The following SNTG1 variants were observed in gnomAD, a reference collection of about 807,000 sequenced individuals.
The protein encoded by SNTG1 is gamma-1-syntrophin.
In SNTG1, 39 loss-of-function variants were observed where a neutral mutation model predicts 74.7. That is an observed-to-expected ratio of 0.52 (90% CI 0.40 to 0.68). The LOEUF (loss-of-function observed/expected upper bound fraction) is 0.68. Ranked by LOEUF, SNTG1 falls within the 30% of genes least tolerant of loss-of-function variation. The probability of loss-of-function intolerance (pLI) is 0.00; values close to 1 mark genes in which losing one functional copy is unlikely to be tolerated. For synonymous variants in SNTG1, 254 were observed against 217.1 expected (o/e 1.17, Z -1.49); for missense variants, 685 against 609.5 (o/e 1.12, Z -1.30).
At position 50,026,532 on chromosome 8, in the gene SNTG1, CA is replaced by C. The variant is rs1817276443; in HGVS notation, c.-103+114302del. On this transcript the variant is annotated intron_variant, in intron 1 of 18. Transcript: ENST00000642720. Reference sequence around the variant, plus strand: ...TCCATACTCCTGTCCCTAAGACTACCACATCACAAATACAAAATGTTGCACG... The same window carrying C: ...TCCATACTCCTGTCCCTAAGACTACCCATCACAAATACAAAATGTTGCACG... Among the ~76,000 whole-genome samples, 5 of 152,178 alleles carry C rather than the reference CA, an allele frequency of 3.3e-5. No individual in the cohort carries two copies. The South Asian group carries it at 1.0e-3, about 32-fold the overall frequency.
chr8:50,406,949 T>C (rs938579332), intron 4 of SNTG1, among the ~76,000 whole-genome samples: 3 of 152,184 alleles, frequency 2.0e-5, no homozygotes. Context: ...AGTAGCACAC[T>C]GTACTTTCAG....
chr8:50,164,092 C>CTTTTT lies in SNTG1; in HGVS notation c.-102-8448_-102-8444dup, dbSNP rs3086088. On this transcript the variant is annotated intron_variant, in intron 1 of 18. Coordinates refer to ENST00000642720, the MANE Select transcript of SNTG1 (RefSeq NM_018967.5). ...AGACTTTGATAGAAAGACACAATTT[C>CTTTTT]TTTTTTTTTTTTTTTTTTTTTTTTT... is the stretch of plus-strand genomic sequence containing the variant. The CTTTTT allele has an allele frequency of 2.0e-3, 142 of 71,994 alleles. 6 individuals are homozygous for CTTTTT. Among genetic ancestry groups the CTTTTT allele is most frequent in the African/African-American group, 3.5e-3 (73 of 20,822 alleles). The allele number at this position is 71,994 out of a possible 1,614,324, so 4.5% of individuals were successfully genotyped here.
At chr8:50,211,162 A>T (rs1159834432) in intron 2 of SNTG1, among the ~76,000 whole-genome samples, 2 of 152,134 alleles carry the variant, frequency 1.3e-5, no homozygotes, top group African/African-American at 4.8e-5. Flanking sequence ...TGGATTTTTT[A>T]AAATTACAAA....
In SNTG1 at chr8:50,330,810, A is replaced by G. The variant is rs184100955; in HGVS notation, c.-27-63402A>G. On this transcript the variant is annotated intron_variant, in intron 2 of 18. Coordinates refer to ENST00000642720, the MANE Select transcript of SNTG1 (RefSeq NM_018967.5). ...CAGCATGTGGGGAGGAGGAACTGAC[A>G]AACACTTATAAAACCATTCGATCTT... Among the ~76,000 whole-genome samples the G allele has an allele frequency of 5.4e-3, 816 of 152,242 alleles. 2 individuals carry two copies. Among genetic ancestry groups the G allele is most frequent in the Non-Finnish European group, 8.5e-3 (579 of 68,010 alleles).
chr8:50,450,435 C>T (rs1427919107), intron 6 of SNTG1, 121 bp from the exon 7 acceptor site: 1 of 1,001,030 alleles, frequency 1.0e-6, no homozygotes, highest in Non-Finnish European at 1.5e-6. Context: ...TTTTAAGATG[C>T]TAACCATATA....
Position 50,792,972 on chromosome 8 carries a change from T to C in SNTG1, c.*143T>C. The C allele has an allele frequency of 1.2e-6, 1 of 826,674 alleles. No homozygotes were observed. The highest frequency in any genetic ancestry group is 3.1e-5 in the Admixed American group (1 of 31,938). The allele number at this position is 826,674 out of a possible 1,614,324, so 51.2% of individuals were successfully genotyped here. On this transcript the variant is annotated 3_prime_UTR_variant, in exon 19 of 19. Transcript: ENST00000642720. ...ATTTCGGCAGAAAAAGAAGGTCATG[T>C]GGAACCTCAAAAACACTTCTATTCT...
At chr8:50,125,471 T>C (rs564343655) in intron 1 of SNTG1, among the ~76,000 whole-genome samples, 1 of 142,552 alleles carries the variant, frequency 7.0e-6, no homozygotes, top group African/African-American at 2.5e-5. Flanking sequence ...TATGAGTGTG[T>C]CACATGGAAA....
intron 1 of SNTG1, among the ~76,000 whole-genome samples, chr8:49,925,934 T>A (rs1806982221): frequency 6.6e-6 from 1 of 152,190 alleles, no homozygotes; most frequent in South Asian, 2.1e-4. Flanking sequence ...AGAACTGGAA[T>A]ATCTCCCTAT....
At chr8:50,767,031 G>A (rs2095615519) in intron 18 of SNTG1, among the ~76,000 whole-genome samples, 1 of 151,904 alleles carries the variant, frequency 6.6e-6, no homozygotes, top group African/African-American at 2.4e-5. Context: ...GGTTAAATGT[G>A]GAGGCTGTTA....
intron 8 of SNTG1, among the ~76,000 whole-genome samples, chr8:50,481,832 A>G (rs1312022640): frequency 1.3e-5 from 2 of 152,200 alleles, no homozygotes; most frequent in Non-Finnish European, 2.9e-5. Context: ...ACAATGCTTC[A>G]TTGCTCTTAA....
chr8:49,962,001 C>T (rs1810728820), intron 1 of SNTG1, among the ~76,000 whole-genome samples: 1 of 152,204 alleles, frequency 6.6e-6, no homozygotes, highest in African/African-American at 2.4e-5. Context: ...ATGTCAATGG[C>T]AGCCGGACAA....
intron 2 of SNTG1, among the ~76,000 whole-genome samples, chr8:50,344,157 A>AT (rs2091402850): frequency 6.6e-6 from 1 of 152,104 alleles, no homozygotes; most frequent in South Asian, 2.1e-4. Flanking sequence ...TAGTCAATTC[A>AT]TTTTTTTCTC....
chr8:50,479,514 T>G (rs761787101), intron 8 of SNTG1, among the ~76,000 whole-genome samples: 3 of 152,194 alleles, frequency 2.0e-5, no homozygotes, highest in Non-Finnish European at 4.4e-5. Flanking sequence ...TCTTTTCCCA[T>G]TGACACTTTC....
chr8:50,291,239 C>CAT (rs1228475411), intron 2 of SNTG1, among the ~76,000 whole-genome samples: 1 of 84,328 alleles, frequency 1.2e-5, no homozygotes, highest in African/African-American at 3.9e-5. Flanking sequence ...GAGAGACAGA[C>CAT]ATATGTGTGT....
chr8:50,569,172 C>T (rs532495540), intron 12 of SNTG1, among the ~76,000 whole-genome samples: 85 of 152,124 alleles, frequency 5.6e-4, no homozygotes, highest in Non-Finnish European at 1.1e-3. Context: ...GAAGTGGTGG[C>T]TGTGAATAGC....
chr8:50,217,100 A>T (rs1166810284), intron 2 of SNTG1, among the ~76,000 whole-genome samples: 5 of 151,908 alleles, frequency 3.3e-5, no homozygotes, highest in Non-Finnish European at 5.9e-5. Flanking sequence ...ACACCAAAAG[A>T]AGTTGATTTT....
intron 4 of SNTG1, among the ~76,000 whole-genome samples, chr8:50,411,113 C>G (rs2092942641): frequency 6.6e-6 from 1 of 151,968 alleles, no homozygotes; most frequent in Non-Finnish European, 1.5e-5. Context: ...CTTGTTTGGC[C>G]TTTTTGGGTA....
chr8:50,430,068 G>A (rs1341124382), intron 4 of SNTG1, among the ~76,000 whole-genome samples: 1 of 152,038 alleles, frequency 6.6e-6, no homozygotes, highest in Admixed American at 6.6e-5. Context: ...TCAATACTTG[G>A]TATATATGCA....
chr8:50,724,894 C>T (rs919252518), intron 17 of SNTG1, among the ~76,000 whole-genome samples: 15 of 151,920 alleles, frequency 9.9e-5, no homozygotes, highest in Non-Finnish European at 2.1e-4. Context: ...ATTTCTAAAA[C>T]TTTTATTCTA....
Sources: allele counts gnomAD v4.1 joint callset (sites outside exome capture counted in the v4.1 genomes callset), GRCh38; gene constraint gnomAD v4.1.1; transcripts MANE v1.5; gene names NCBI Gene and HGNC (gene_info 2026-07-23, HGNC 2026-07-21).